Variants in CCDC78 observed in about 807,000 individuals in gnomAD.
The protein encoded by CCDC78 is coiled-coil domain containing 78.
CCDC78 carries 78 observed loss-of-function variants against 61.9 expected under a neutral mutation model. The ratio of observed to expected loss-of-function variants is 1.26; its 90% CI spans 1.05 to 1.52. The LOEUF (loss-of-function observed/expected upper bound fraction) is 1.52, where lower values mean the gene tolerates loss of function less well. CCDC78 is among the 40% of genes most tolerant of loss of function. CCDC78 has a pLI of 0.00. For missense variants in CCDC78, 737 were observed against 615.5 expected, an observed-to-expected ratio of 1.20 and a Z score of -2.09; for synonymous variants, 287 against 251.9, an observed-to-expected ratio of 1.14 and a Z score of -1.32.
intron 10 of CCDC78, 26 bp from the exon 11 acceptor site, chr16:723,962 T>C: frequency 6.2e-7 from 1 of 1,602,204 alleles, no homozygotes; most frequent in Non-Finnish European, 8.5e-7. Context: ...GTGGGGACGT[T>C]TCAGTTGGCT....
rs762281149 is a variant in CCDC78 at position 725,618 on chromosome 16, C to T, written c.268-38G>A. The stretch of plus-strand genomic sequence containing the variant: ...TGGCATGAGCAGGTGCACCTGCCCG[C>T]GGGCCACCTGGGGTAGGTGAACATT... On this transcript the variant is annotated intron_variant, in intron 3 of 13. Transcript: ENST00000345165. 38 of 1,592,396 alleles carry T rather than the reference C, an allele frequency of 2.4e-5. 1 individual carries two copies. The East Asian group carries it at 2.5e-4, about 10-fold the overall frequency.
Position 722,647 on chromosome 16 carries a change from C to A in CCDC78, c.*31G>T. The stretch of plus-strand genomic sequence containing the variant: ...GGAGGGTTCTGTGCTGGCTGAGGAG[C>A]TCTGCTCTGCTCTGCTCCTTGGGAG... On this transcript the variant is annotated 3_prime_UTR_variant, in exon 14 of 14. Transcript: ENST00000345165. 6.3e-7 allele frequency: 1 copy of A among 1,596,148 alleles called. No individual in the cohort carries two copies. Among genetic ancestry groups the A allele is most frequent in the Non-Finnish European group, 8.5e-7 (1 of 1,175,252 alleles).
rs1044363070 is a variant in CCDC78, at chr16:723,138, G to A, written c.1157C>T (p.Ala386Val). The A allele has an allele frequency of 6.2e-7, 1 of 1,612,550 alleles. No individual in the cohort carries two copies. Among genetic ancestry groups the A allele is most frequent in the African/African-American group, 1.3e-5 (1 of 74,944 alleles). ...GTCCCGGAGCTTCTGGTGGATCTGG[G>A]CCCAGGATGCAGCGTCCAGGCCCCT... ...EPQGLDAASWAQIHQKLRDFS... is the reference protein window; with the variant it reads ...EPQGLDAASWVQIHQKLRDFS... The change falls in exon 12 of 14, where the codon GCC becomes GTC. Residue 386 changes from alanine to valine, a missense_variant. By Grantham distance (64) the Ala-to-Val change is moderately conservative. Coordinates refer to ENST00000345165, the MANE Select transcript of CCDC78 (RefSeq NM_001378030.1).
rs368278926 is a variant in CCDC78 at position 725,682 on chromosome 16, C to T, written c.268-102G>A. On this transcript the variant is annotated intron_variant, in intron 3 of 13. Coordinates refer to ENST00000345165, the MANE Select transcript of CCDC78 (RefSeq NM_001378030.1). ...CTCAGGGGCGCGCAGCACTCAGAGG[C>T]AGGCTGAGACCCACAGATGCCATGT... The T allele has an allele frequency of 2.9e-5, 46 of 1,571,724 alleles. 1 individual carries two copies. In the East Asian group the frequency reaches 3.9e-4, roughly 13 times the overall value.
rs2151539558 is a variant in CCDC78, at chr16:723,168, G to A, written c.1134-7C>T. 2.5e-6 allele frequency: 4 copies of A among 1,612,384 alleles called. No individual in the cohort carries two copies. Among genetic ancestry groups the A allele is most frequent in the South Asian group, 1.1e-5 (1 of 91,066 alleles). On this transcript the variant is annotated splice_polypyrimidine_tract_variant and splice_region_variant and intron_variant, in intron 11 of 13. Transcript: ENST00000345165. ...GGATGCAGCGTCCAGGCCCCTGTGA[G>A]GGGAGAGGAAAGGAGGAGTGGTTTT...
chr16:723,032 G>A lies in CCDC78; in HGVS notation c.1201-10C>T. Reference sequence around the variant, plus strand: ...CCCGTTCCAGCTCTGCCTGGCATGGGGATGTAAGCCATGAGCTGGGGCATG... The same window carrying A: ...CCCGTTCCAGCTCTGCCTGGCATGGAGATGTAAGCCATGAGCTGGGGCATG... On this transcript the variant is annotated splice_polypyrimidine_tract_variant and intron_variant, in intron 12 of 13. Transcript: ENST00000345165. The A allele has an allele frequency of 1.9e-6, 3 of 1,612,582 alleles. No individual in the cohort carries two copies. The highest frequency in any genetic ancestry group is 2.5e-6 in the Non-Finnish European group (3 of 1,179,988).
upstream of CCDC78, chr16:726,644 G>T (rs1164119868): frequency 1.3e-5 from 7 of 525,132 alleles, no homozygotes; most frequent in East Asian, 2.4e-4. Context: ...GTGCGTGAAA[G>T]CGCCCAGCCT....
intron 7 of CCDC78, 40 bp from the exon 8 acceptor site, chr16:724,846 G>A: frequency 6.2e-7 from 1 of 1,608,732 alleles, no homozygotes; most frequent in Non-Finnish European, 8.5e-7. Flanking sequence ...CCTGAGAGTG[G>A]ACCCCGGCTG....
At chr16:723,249 G>C (rs1205805056) in intron 11 of CCDC78, 88 bp from the exon 12 acceptor site, 1 of 1,403,398 alleles carries the variant, frequency 7.1e-7, no homozygotes, top group Non-Finnish European at 9.9e-7. Context: ...CAGGTTCCCA[G>C]AGCCGGGAGG....
Position 725,523 on chromosome 16 carries a change from G to T in CCDC78, c.325C>A (p.Gln109Lys). Residue 109 changes from glutamine (Q) to lysine (K), a missense_variant, in exon 4 of 14, where the codon CAG becomes AAG. Physicochemically the swap from Gln to Lys is moderately conservative, Grantham distance 53. Coordinates refer to ENST00000345165, the MANE Select transcript of CCDC78 (RefSeq NM_001378030.1). ...GACTCCACTGGGACTGCACAGCCCT[G>T]GCTGGTGCCATCTCCTCGCAGCTCC... ...ELELRGDGTSQGCAVPVESDP... is the reference protein window; with the variant it reads ...ELELRGDGTSKGCAVPVESDP... 5 of 1,612,380 alleles carry T rather than the reference G, an allele frequency of 3.1e-6. No homozygotes were observed. The highest frequency in any genetic ancestry group is 4.2e-6 in the Non-Finnish European group (5 of 1,179,918).
chr16:725,783 C>T lies in CCDC78; in HGVS notation c.267+11G>A, dbSNP rs78103693. The T allele has an allele frequency of 2.4e-3, 3,876 of 1,599,410 alleles. 51 individuals are homozygous for T. The East Asian group carries it at 0.033, about 14-fold the overall frequency. On this transcript the variant is annotated intron_variant, in intron 3 of 13. Coordinates refer to ENST00000345165, the MANE Select transcript of CCDC78 (RefSeq NM_001378030.1). ...CCCCATGCACTGAGGCTGGTTCACA[C>T]GGCTGCTCACCTCACTCTTCAGCTG...
Position 723,152 on chromosome 16 carries a change from G to T in CCDC78, c.1143C>A (p.Asp381Glu). The T allele has an allele frequency of 1.2e-6, 2 of 1,612,570 alleles. No individual in the cohort carries two copies. The highest frequency in any genetic ancestry group is 8.5e-7 in the Non-Finnish European group (1 of 1,179,964). The change falls in exon 12 of 14, where the codon GAC becomes GAA. Residue 381 changes from aspartate to glutamate, a missense_variant. By Grantham distance (45) the Asp-to-Glu change is conservative. Coordinates refer to ENST00000345165, the MANE Select transcript of CCDC78 (RefSeq NM_001378030.1). ...GGTGGATCTGGGCCCAGGATGCAGCGTCCAGGCCCCTGTGAGGGGAGAGGA... is the reference window on the plus strand; with the variant it reads ...GGTGGATCTGGGCCCAGGATGCAGCTTCCAGGCCCCTGTGAGGGGAGAGGA... Reference protein sequence around the residue: ...QGGTSEPQGLDAASWAQIHQK... With the variant: ...QGGTSEPQGLEAASWAQIHQK...
Position 725,655 on chromosome 16 carries a change from C to T in CCDC78, c.268-75G>A, listed in dbSNP as rs74002868. 3,257 of 1,578,876 alleles carry T rather than the reference C, an allele frequency of 2.1e-3. 53 individuals carry two copies. The African/African-American group carries it at 0.038, about 18-fold the overall frequency. ...GGTAGGTGAACATTCACCCGGTGCACGCTCAGGGGCGCGCAGCACTCAGAG... is the reference window on the plus strand; with the variant it reads ...GGTAGGTGAACATTCACCCGGTGCATGCTCAGGGGCGCGCAGCACTCAGAG... On this transcript the variant is annotated intron_variant, in intron 3 of 13. Transcript: ENST00000345165.
At chr16:726,844 A>C, upstream of CCDC78, 1 of 171,476 alleles carries the variant, frequency 5.8e-6, no homozygotes, top group Non-Finnish European at 1.4e-5. Flanking sequence ...AGAACTCGGA[A>C]ACGACTGGCT....
In CCDC78 at chr16:724,352, C is replaced by T. The variant is rs151049173; in HGVS notation, c.923G>A (p.Arg308His). Residue 308 changes from arginine (R) to histidine (H), a missense_variant, in exon 9 of 14, where the codon CGC (arginine) becomes CAC (histidine). Transcript: ENST00000345165. ...GGCAACCAGTAGCTCTTCATGCCTG[C>T]GGCTCAGATCCACCAGCCTCTTGTG... is the stretch of plus-strand genomic sequence containing the variant. ...SYHKRLVDLS[R>H]RHEELLVAYR... 16 of 1,612,080 alleles carry T rather than the reference C, an allele frequency of 9.9e-6. No individual in the cohort carries two copies. The highest frequency in any genetic ancestry group is 5.3e-5 in the African/African-American group (4 of 74,920).
intron 11 of CCDC78, 76 bp from the exon 12 acceptor site, chr16:723,237 G>A: frequency 6.6e-7 from 1 of 1,511,772 alleles, no homozygotes; most frequent in Non-Finnish European, 9.1e-7. Flanking sequence ...ACCGTGCTGA[G>A]TCAGGTTCCC....
At chr16:724,008 G>T in intron 10 of CCDC78, 72 bp from the exon 11 acceptor site, 3 of 1,552,456 alleles carry the variant, frequency 1.9e-6, no homozygotes, top group Non-Finnish European at 2.7e-6. Flanking sequence ...CGGGGCTGAG[G>T]TCTCTGTTGA....
chr16:726,224 G>T (rs892473727), intron 1 of CCDC78, 84 bp downstream of exon 1: 1 of 1,550,168 alleles, frequency 6.5e-7, no homozygotes, highest in Admixed American at 2.0e-5. Flanking sequence ...GGCCCAGGGT[G>T]CAGGAACCTG....
Position 724,146 on chromosome 16 carries a change from G to A in CCDC78, c.1013C>T (p.Pro338Leu). 3 of 1,605,412 alleles carry A rather than the reference G, an allele frequency of 1.9e-6. No individual in the cohort carries two copies. Among genetic ancestry groups the A allele is most frequent in the Non-Finnish European group, 2.6e-6 (3 of 1,176,032 alleles). Residue 338 changes from proline (P) to leucine (L), a missense_variant, in exon 10 of 14, where the codon CCC becomes CTC. Pro to Leu is a moderately conservative substitution (Grantham distance 98, BLOSUM62 -3). Transcript: ENST00000345165. ...GCTGAAGTCAGTGACCAGGGGCACG[G>A]GCAATGGTTCCAGGTCCAAGCTGGC... is the stretch of plus-strand genomic sequence containing the variant. Reference protein sequence around the residue: ...DIASLDLEPLPVPLVTDFSHR... With the variant: ...DIASLDLEPLLVPLVTDFSHR...
Sources: gnomAD v4.1 joint callset for allele counts on GRCh38, gnomAD v4.1.1 for gene constraint, MANE v1.5 for transcripts, NCBI Gene and HGNC (gene_info 2026-07-23, HGNC 2026-07-21) for gene names.